ESCO1: variants seen among roughly 807,000 people sequenced by gnomAD.
ESCO1 encodes establishment of sister chromatid cohesion N-acetyltransferase 1, also known as N-acetyltransferase ESCO1.
ESCO1 carries 33 observed loss-of-function variants against 83.5 expected under a neutral mutation model. That is an observed-to-expected ratio of 0.40 (90% CI 0.30 to 0.53). The LOEUF is 0.53. Among genes scored for constraint, ESCO1 ranks in the 20% least tolerant of loss-of-function variants. The pLI is 0.63. For synonymous variants in ESCO1, 332 were observed against 324.3 expected, an observed-to-expected ratio of 1.02 and a Z score of -0.25; for missense variants, 855 against 968.0, an observed-to-expected ratio of 0.88 and a Z score of 1.55.
At chr18:21,549,962 C>T (rs1444667113) in intron 8 of ESCO1, among the ~76,000 whole-genome samples, 2 of 147,476 alleles carry the variant, frequency 1.4e-5, no homozygotes, top group Non-Finnish European at 3.0e-5. Flanking sequence ...GACTCCATCT[C>T]CAAAAAAAAA....
At chr18:21,540,431 G>T in intron 8 of ESCO1, 1 of 510,344 alleles carries the variant, frequency 2.0e-6, no homozygotes, top group Non-Finnish European at 2.6e-6. Context: ...AACACTCCAA[G>T]TTTTATGTCT....
Position 21,530,223 on chromosome 18 carries a change from T to C in ESCO1, c.*120A>G, listed in dbSNP as rs2037749045. 1 of 761,338 alleles carries C rather than the reference T, an allele frequency of 1.3e-6. No homozygotes were observed. The highest frequency in any genetic ancestry group is 3.2e-5 in the Admixed American group (1 of 31,396). 47.2% of individuals were successfully genotyped at this position (761,338 alleles called of 1,614,324 possible). A position where few individuals can be genotyped will look rare whatever the true frequency, so the allele number is the denominator to read the frequency against. The stretch of plus-strand genomic sequence containing the variant: ...CAATTTTATGAAAATGGAACAACCA[T>C]ATGGTTGTTGCCAGTCCTGAGTTCA... On this transcript the variant is annotated 3_prime_UTR_variant, in exon 12 of 12. Coordinates refer to ENST00000269214, the MANE Select transcript of ESCO1 (RefSeq NM_052911.3).
chr18:21,548,478 A>G (rs1042813290), intron 8 of ESCO1, among the ~76,000 whole-genome samples: 8 of 151,718 alleles, frequency 5.3e-5, no homozygotes, highest in African/African-American at 1.9e-4. Flanking sequence ...CTGGGCAACA[A>G]AGTTAAGACC....
chr18:21,564,340 A>T (rs753186098), intron 6 of ESCO1, 23 bp from the exon 7 acceptor site: 1 of 1,425,336 alleles, frequency 7.0e-7, no homozygotes, highest in South Asian at 1.2e-5. Flanking sequence ...AAAATTACTA[A>T]ATGTTACAGA....
At chr18:21,590,499 CA>C (rs2038650063) in intron 1 of ESCO1, among the ~76,000 whole-genome samples, 2 of 152,080 alleles carry the variant, frequency 1.3e-5, no homozygotes, top group Non-Finnish European at 2.9e-5. Context: ...GGAATACAGG[CA>C]TGAGCCACCG....
chr18:21,533,345 G>A (rs2037791806), intron 10 of ESCO1, among the ~76,000 whole-genome samples: 1 of 152,096 alleles, frequency 6.6e-6, no homozygotes, highest in African/African-American at 2.4e-5. Context: ...GCCCAGGCTG[G>A]AGTACAGTGG....
At chr18:21,564,885 C>A (rs2038238311) in intron 6 of ESCO1, among the ~76,000 whole-genome samples, 1 of 151,368 alleles carries the variant, frequency 6.6e-6, no homozygotes, top group African/African-American at 2.4e-5. Context: ...CACGGTGAAA[C>A]CCCGTTTCTA....
chr18:21,575,791 G>C lies in ESCO1; in HGVS notation c.-693-14C>G. On this transcript the variant is annotated splice_polypyrimidine_tract_variant and intron_variant, in intron 2 of 11. Coordinates refer to ENST00000269214, the MANE Select transcript of ESCO1 (RefSeq NM_052911.3). Reference sequence around the variant, plus strand: ...ATCACACAGCACCTGAAAGAAAAAGGGTTTTTTTTAATGTTCAAAAGGACA... The same window carrying C: ...ATCACACAGCACCTGAAAGAAAAAGCGTTTTTTTTAATGTTCAAAAGGACA... 2.5e-6 allele frequency: 1 copy of C among 397,536 alleles called. No individual in the cohort carries two copies. Among genetic ancestry groups the C allele is most frequent in the Non-Finnish European group, 4.4e-6 (1 of 225,648 alleles). 24.6% of individuals were successfully genotyped at this position (397,536 alleles called of 1,614,324 possible).
chr18:21,560,733 T>C, intron 8 of ESCO1, 126 bp downstream of exon 8: 1 of 1,160,038 alleles, frequency 8.6e-7, no homozygotes, highest in South Asian at 1.6e-5. Flanking sequence ...CTACACGTGC[T>C]TTGTACATAT....
At chr18:21,553,952 T>A (rs2038080410) in intron 8 of ESCO1, among the ~76,000 whole-genome samples, 2 of 150,060 alleles carry the variant, frequency 1.3e-5, no homozygotes, top group Admixed American at 1.3e-4. Context: ...ACAGCCTGAT[T>A]GAAAAATTAA....
At chr18:21,566,987 G>C (rs914923626) in intron 5 of ESCO1, among the ~76,000 whole-genome samples, 5 of 152,050 alleles carry the variant, frequency 3.3e-5, no homozygotes, top group African/African-American at 7.2e-5. Flanking sequence ...CCCCAACTCA[G>C]AGAAAAAGTT....
intron 1 of ESCO1, among the ~76,000 whole-genome samples, chr18:21,585,510 T>C (rs909741907): frequency 6.6e-6 from 1 of 152,232 alleles, no homozygotes. Context: ...ATTTCTGGAC[T>C]CTCAATTCTA....
chr18:21,571,955 C>A (rs1406915011), intron 4 of ESCO1, among the ~76,000 whole-genome samples: 1 of 152,134 alleles, frequency 6.6e-6, no homozygotes, highest in Non-Finnish European at 1.5e-5. Flanking sequence ...AAATAATAGA[C>A]ACTGATCTAT....
intron 8 of ESCO1, among the ~76,000 whole-genome samples, chr18:21,548,954 G>C (rs913163594): frequency 6.7e-6 from 1 of 150,336 alleles, no homozygotes; most frequent in Non-Finnish European, 1.5e-5. Context: ...AAAAAAAAAA[G>C]AGGCAAGAAA....
At chr18:21,540,815 T>G in intron 8 of ESCO1, 2 of 857,760 alleles carry the variant, frequency 2.3e-6, no homozygotes, top group Non-Finnish European at 2.9e-6. Flanking sequence ...GGAATGAGCT[T>G]AACTAGTTGT....
chr18:21,579,669 G>A (rs1460331306), intron 2 of ESCO1, among the ~76,000 whole-genome samples: 3 of 150,678 alleles, frequency 2.0e-5, no homozygotes, highest in African/African-American at 7.3e-5. Context: ...CTACTCGGGA[G>A]GCTGAGGCAG....
At chr18:21,554,284 C>A (rs956512400) in intron 8 of ESCO1, among the ~76,000 whole-genome samples, 8 of 152,200 alleles carry the variant, frequency 5.3e-5, no homozygotes, top group Non-Finnish European at 8.8e-5. Context: ...AGCAATCAAG[C>A]GTCTTGGTAT....
intron 8 of ESCO1, 120 bp from the exon 9 acceptor site, chr18:21,540,129 G>T: frequency 1.1e-6 from 1 of 878,752 alleles, no homozygotes; most frequent in Non-Finnish European, 1.7e-6. Flanking sequence ...TTGCAAACAT[G>T]AAAAATATAT....
chr18:21,557,326 C>T (rs1365272659), intron 8 of ESCO1, among the ~76,000 whole-genome samples: 1 of 152,152 alleles, frequency 6.6e-6, no homozygotes, highest in Non-Finnish European at 1.5e-5. Context: ...AAAGGATCTA[C>T]TCATTATTCC....
Sources: allele counts gnomAD v4.1 joint callset (sites outside exome capture counted in the v4.1 genomes callset), GRCh38; gene constraint gnomAD v4.1.1; transcripts MANE v1.5; gene names NCBI Gene and HGNC (gene_info 2026-07-23, HGNC 2026-07-21).